Variants in ADAM22 observed in about 807,000 individuals in gnomAD.
ADAM22 encodes disintegrin and metalloproteinase domain-containing protein 22.
ADAM22 carries 65 observed loss-of-function variants against 144.6 expected under a neutral mutation model. The ratio of observed to expected loss-of-function variants is 0.45; its 90% CI spans 0.37 to 0.55. The LOEUF (loss-of-function observed/expected upper bound fraction) is 0.55. Among genes scored for constraint, ADAM22 ranks in the 20% least tolerant of loss-of-function variants. The pLI is 0.00. For synonymous variants in ADAM22, 391 were observed against 412.6 expected (o/e 0.95, Z 0.63); for missense variants, 974 against 1,184.9 (o/e 0.82, Z 2.61).
At chr7:88,175,870 T>C (rs1845516693) in intron 26 of ADAM22, among the ~76,000 whole-genome samples, 1 of 152,228 alleles carries the variant, frequency 6.6e-6, no homozygotes, top group Non-Finnish European at 1.5e-5. Flanking sequence ...ATATTCTCTG[T>C]TAAAGCAAGA....
chr7:88,141,624 C>T (rs1161220559), intron 14 of ADAM22, among the ~76,000 whole-genome samples: 1 of 151,524 alleles, frequency 6.6e-6, no homozygotes, highest in Non-Finnish European at 1.5e-5. Flanking sequence ...CAGTAATAAC[C>T]ATGGTTGATA....
intron 4 of ADAM22, among the ~76,000 whole-genome samples, chr7:88,081,983 A>G (rs1816811113): frequency 6.6e-6 from 1 of 152,080 alleles, no homozygotes; most frequent in Non-Finnish European, 1.5e-5. Context: ...ATTGGAAAAA[A>G]CTACTTTAAA....
intron 3 of ADAM22, among the ~76,000 whole-genome samples, chr7:88,019,655 T>G (rs1369768988): frequency 1.3e-5 from 2 of 152,036 alleles, no homozygotes; most frequent in Non-Finnish European, 2.9e-5. Flanking sequence ...TGAGACCAGC[T>G]TGGCCAACAC....
At chr7:87,947,311 C>T (rs1467902591) in intron 2 of ADAM22, among the ~76,000 whole-genome samples, 1 of 151,852 alleles carries the variant, frequency 6.6e-6, no homozygotes, top group Admixed American at 6.6e-5. Flanking sequence ...GTAAATAGTA[C>T]ATAGCTTTTT....
chr7:88,020,652 C>T (rs1192567463), intron 3 of ADAM22, among the ~76,000 whole-genome samples: 1 of 152,188 alleles, frequency 6.6e-6, no homozygotes, highest in Non-Finnish European at 1.5e-5. Flanking sequence ...TGACCTCTTC[C>T]ACTGCATCGC....
intron 7 of ADAM22, among the ~76,000 whole-genome samples, chr7:88,122,611 T>G (rs1196514462): frequency 1.3e-5 from 2 of 152,142 alleles, no homozygotes; most frequent in Non-Finnish European, 2.9e-5. Context: ...CAGATCCAGG[T>G]GTGGATGAGG....
chr7:88,084,140 C>T (rs1638671045), intron 4 of ADAM22, among the ~76,000 whole-genome samples: 1 of 152,078 alleles, frequency 6.6e-6, no homozygotes, highest in Non-Finnish European at 1.5e-5. Context: ...GTGGACCCAG[C>T]AGACAGCTCT....
At chr7:87,934,853 C>A in intron 1 of ADAM22, 173 bp from the exon 2 acceptor site, 2 of 922,292 alleles carry the variant, frequency 2.2e-6, no homozygotes, top group Non-Finnish European at 3.4e-6. Context: ...ATGAGCTGGT[C>A]CAAGGCTCTC....
At chr7:88,105,473 T>A (rs1408883852) in intron 4 of ADAM22, among the ~76,000 whole-genome samples, 1 of 152,212 alleles carries the variant, frequency 6.6e-6, no homozygotes, top group Non-Finnish European at 1.5e-5. Context: ...ATCTAAGTGA[T>A]AACATCCTCT....
chr7:88,186,734 A>T, intron 30 of ADAM22, 33 bp downstream of exon 30: 1 of 1,314,138 alleles, frequency 7.6e-7, no homozygotes, highest in Non-Finnish European at 1.1e-6. Flanking sequence ...TATCCTTCTC[A>T]AACTCTCCCA....
chr7:88,186,792 C>A, intron 30 of ADAM22, 91 bp downstream of exon 30: 1 of 798,796 alleles, frequency 1.3e-6, no homozygotes, highest in Non-Finnish European at 2.1e-6. Context: ...TTGTATCTCC[C>A]AATACAAGTT....
In ADAM22 at chr7:88,171,528, T is replaced by C. The variant is rs758060830; in HGVS notation, c.2283-16T>C. 1 of 1,587,802 alleles carries C rather than the reference T, an allele frequency of 6.3e-7. No homozygotes were observed. Among genetic ancestry groups the C allele is most frequent in the South Asian group, 1.2e-5 (1 of 86,034 alleles). On this transcript the variant is annotated splice_polypyrimidine_tract_variant and intron_variant, in intron 25 of 31. Coordinates refer to ENST00000413139, the MANE Select transcript of ADAM22 (RefSeq NM_001324418.2). ...CTCTTATGTTTTTCCCTCTTTCTCT[T>C]CTTGTCCATGAAAAGAAACTATCGA...
At chr7:87,946,919 G>A (rs950732944) in intron 2 of ADAM22, among the ~76,000 whole-genome samples, 9 of 152,146 alleles carry the variant, frequency 5.9e-5, no homozygotes, top group African/African-American at 2.2e-4. Flanking sequence ...AGATGTGGCG[G>A]GAGGCCATTA....
chr7:88,024,069 A>G (rs1798435592), intron 3 of ADAM22, among the ~76,000 whole-genome samples: 1 of 152,142 alleles, frequency 6.6e-6, no homozygotes, highest in Admixed American at 6.5e-5. Context: ...TATATATACC[A>G]TATTTTCTTT....
chr7:88,029,408 A>G (rs1799734475), intron 3 of ADAM22, among the ~76,000 whole-genome samples: 1 of 151,880 alleles, frequency 6.6e-6, no homozygotes, highest in Non-Finnish European at 1.5e-5. Context: ...TGTTGTTTCT[A>G]CTTTTTATTG....
intron 3 of ADAM22, among the ~76,000 whole-genome samples, chr7:88,033,610 C>A (rs1462654581): frequency 1.3e-5 from 2 of 152,202 alleles, no homozygotes; most frequent in Non-Finnish European, 2.9e-5. Flanking sequence ...GCAAAGCCAG[C>A]CAGGCCTTTG....
chr7:87,946,191 T>C (rs1179798669), intron 2 of ADAM22, among the ~76,000 whole-genome samples: 1 of 152,058 alleles, frequency 6.6e-6, no homozygotes, highest in Non-Finnish European at 1.5e-5. Context: ...TTTTGAGGAG[T>C]GTCTATGTCT....
intron 3 of ADAM22, among the ~76,000 whole-genome samples, chr7:87,989,181 G>A (rs1048141224): frequency 2.0e-5 from 3 of 152,092 alleles, no homozygotes; most frequent in African/African-American, 4.8e-5. Flanking sequence ...ATGCCATCAC[G>A]CTATCATTTA....
At chr7:88,150,328 A>G (rs958936085) in intron 18 of ADAM22, among the ~76,000 whole-genome samples, 2 of 152,198 alleles carry the variant, frequency 1.3e-5, no homozygotes, top group African/African-American at 4.8e-5. Context: ...AAAATGGCAC[A>G]TGATATCATC....
Sources: gnomAD v4.1 joint callset for allele counts (sites outside exome capture counted in the v4.1 genomes callset) on GRCh38, gnomAD v4.1.1 for gene constraint, MANE v1.5 for transcripts, NCBI Gene and HGNC (gene_info 2026-07-23, HGNC 2026-07-21) for gene names.